Variants in LRRC40 observed in about 807,000 individuals in gnomAD.
LRRC40 encodes leucine-rich repeat-containing protein 40.
LRRC40 carries 76 observed loss-of-function variants against 72.8 expected under a neutral mutation model. That is an observed-to-expected ratio of 1.04 (90% confidence interval 0.87 to 1.26). The LOEUF is 1.26. Ranked by LOEUF, LRRC40 falls within the 50% of genes most tolerant of loss-of-function variation. The pLI, the probability that LRRC40 is intolerant of heterozygous loss-of-function variation, is 0.00. For missense variants in LRRC40, 684 were observed against 698.9 expected (o/e 0.98, Z 0.24); for synonymous variants, 243 against 254.2 (o/e 0.96, Z 0.42).
At chr1:70,163,963 A>G (rs1667822021) in intron 9 of LRRC40, among the ~76,000 whole-genome samples, 1 of 152,210 alleles carries the variant, frequency 6.6e-6, no homozygotes, top group Admixed American at 6.5e-5. Context: ...ACAATTGTGA[A>G]GGCTGAGAAG....
intron 1 of LRRC40, among the ~76,000 whole-genome samples, chr1:70,200,435 C>T (rs762482658): frequency 2.6e-5 from 4 of 151,602 alleles, no homozygotes; most frequent in South Asian, 2.1e-4. Context: ...TACTCTAGCC[C>T]GGTCAACAGA....
chr1:70,167,728 T>G (rs1029807503), intron 9 of LRRC40, among the ~76,000 whole-genome samples: 1 of 150,662 alleles, frequency 6.6e-6, no homozygotes, highest in East Asian at 2.0e-4. Flanking sequence ...GATTCTCCTG[T>G]CTCAGCCTCC....
rs540559997 is a variant in LRRC40 at position 70,178,910 on chromosome 1, A to G, written c.745T>C (p.Tyr249His). 6.2e-7 allele frequency: 1 copy of G among 1,600,912 alleles called. No homozygotes were observed. Among genetic ancestry groups the G allele is most frequent in the Admixed American group, 1.7e-5 (1 of 59,642 alleles). Reference protein sequence around the residue: ...LAGMESLELLYLRRNKLRFLP... With the variant: ...LAGMESLELLHLRRNKLRFLP... ...AAACGTAATTTATTCCTCCGCAAATAAAGCAATTCTAGTGATTCCATGCCA... is the reference window on the plus strand; with the variant it reads ...AAACGTAATTTATTCCTCCGCAAATGAAGCAATTCTAGTGATTCCATGCCA... The change falls in exon 6 of 15, where the codon TAT becomes CAT. Residue 249 changes from tyrosine to histidine, a missense_variant. Tyr to His is a moderately conservative substitution (Grantham distance 83). Coordinates refer to ENST00000370952, the MANE Select transcript of LRRC40 (RefSeq NM_017768.5).
chr1:70,202,647 T>C (rs1668773636), intron 1 of LRRC40, among the ~76,000 whole-genome samples: 1 of 152,192 alleles, frequency 6.6e-6, no homozygotes, highest in Non-Finnish European at 1.5e-5. Context: ...CATAGACCTG[T>C]ACAACAGTAA....
At chr1:70,152,980 AAAAC>A (rs1365428729) in intron 11 of LRRC40, among the ~76,000 whole-genome samples, 13 of 152,222 alleles carry the variant, frequency 8.5e-5, no homozygotes, top group Non-Finnish European at 1.8e-4. Flanking sequence ...GCTTTAGTTT[AAAAC>A]TTAAAGAGGA....
At chr1:70,178,005 C>G (rs1668147031) in intron 6 of LRRC40, among the ~76,000 whole-genome samples, 1 of 152,208 alleles carries the variant, frequency 6.6e-6, no homozygotes, top group Non-Finnish European at 1.5e-5. Flanking sequence ...ATTCTTTTCT[C>G]TAGCTTACTT....
At position 70,181,861 on chromosome 1, in the gene LRRC40, G is replaced by A. The variant is rs1175785953; in HGVS notation, c.538-652C>T. Among the ~76,000 whole-genome samples, 5 of 152,024 alleles carry A rather than the reference G, an allele frequency of 3.3e-5. No individual in the cohort carries two copies. In the East Asian group the frequency reaches 9.7e-4, roughly 29 times the overall value. Reference sequence around the variant, plus strand: ...TTGCTTTTTCTTTAAATAGTTTTAAGAGAACTTTTTTTTGAAACTCCCTTT... The same window carrying A: ...TTGCTTTTTCTTTAAATAGTTTTAAAAGAACTTTTTTTTGAAACTCCCTTT... On this transcript the variant is annotated intron_variant, in intron 4 of 14. Transcript: ENST00000370952.
chr1:70,190,268 G>T (rs1668464155), intron 1 of LRRC40, among the ~76,000 whole-genome samples: 1 of 152,032 alleles, frequency 6.6e-6, no homozygotes, highest in Non-Finnish European at 1.5e-5. Context: ...TAAATGAAAA[G>T]GTATAGTCAA....
rs1013127257 is a variant in LRRC40 at position 70,145,451 on chromosome 1, C to A, written c.*349G>T. ...AATGCTTTGTTATTATAATACTGAA[C>A]CACATTAAATAAAAATTCATTTTTG... On this transcript the variant is annotated 3_prime_UTR_variant, in exon 15 of 15. Transcript: ENST00000370952. 1.3e-5 allele frequency: 2 copies of A among 157,088 alleles called. No homozygotes were observed. Among genetic ancestry groups the A allele is most frequent in the Admixed American group, 6.5e-5 (1 of 15,468 alleles). The allele number at this position is 157,088 out of a possible 1,614,324, so 9.7% of individuals were successfully genotyped here. A position where few individuals can be genotyped will look rare whatever the true frequency, so the allele number is the denominator to read the frequency against.
chr1:70,151,115 T>A lies in LRRC40; in HGVS notation c.1517+13A>T. The A allele has an allele frequency of 7.1e-7, 1 of 1,415,228 alleles. No homozygotes were observed. The highest frequency in any genetic ancestry group is 9.9e-7 in the Non-Finnish European group (1 of 1,005,268). 87.7% of individuals were successfully genotyped at this position (1,415,228 alleles called of 1,614,324 possible). Reference sequence around the variant, plus strand: ...TTCCACAGAATAACAATTAGAATTGTCTGTTCTCTTACCTATTAAAGGAAA... The same window carrying A: ...TTCCACAGAATAACAATTAGAATTGACTGTTCTCTTACCTATTAAAGGAAA... On this transcript the variant is annotated intron_variant, in intron 13 of 14. Transcript: ENST00000370952.
chr1:70,156,859 A>C (rs1311271729), intron 10 of LRRC40, among the ~76,000 whole-genome samples: 1 of 152,192 alleles, frequency 6.6e-6, no homozygotes, highest in African/African-American at 2.4e-5. Context: ...AATTGTTTAC[A>C]TCTGGAATTT....
chr1:70,195,508 C>T (rs534480160), intron 1 of LRRC40, among the ~76,000 whole-genome samples: 1 of 152,172 alleles, frequency 6.6e-6, no homozygotes, highest in East Asian at 1.9e-4. Flanking sequence ...TATGCCAACA[C>T]AGCCACAAGA....
At chr1:70,168,359 C>T (rs1235654292) in intron 9 of LRRC40, among the ~76,000 whole-genome samples, 1 of 152,172 alleles carries the variant, frequency 6.6e-6, no homozygotes, top group African/African-American at 2.4e-5. Context: ...AAAGGAGAGG[C>T]AAACCAAGAG....
rs369977013 is a variant in LRRC40, at chr1:70,189,172, T to C, written c.253A>G (p.Thr85Ala). The change falls in exon 2 of 15, where the codon ACC becomes GCC. Residue 85 changes from threonine (T) to alanine (A), a missense_variant. Thr to Ala is a moderately conservative substitution (Grantham distance 58, BLOSUM62 0). Transcript: ENST00000370952. ...TERWWEQTDL[T>A]KLIISNNKLQ... is the part of the protein sequence containing the mutation. ...TTATTGTTTGATATTATTAGTTTGGTCAAATCTGTCTGCTCCCACCATCTT... is the reference window on the plus strand; with the variant it reads ...TTATTGTTTGATATTATTAGTTTGGCCAAATCTGTCTGCTCCCACCATCTT... 8 of 1,613,742 alleles carry C rather than the reference T, an allele frequency of 5.0e-6. No homozygotes were observed. In the African/African-American group the frequency reaches 9.3e-5, roughly 19 times the overall value.
intron 1 of LRRC40, among the ~76,000 whole-genome samples, chr1:70,194,537 T>C (rs1314897121): frequency 6.6e-6 from 1 of 151,760 alleles, no homozygotes; most frequent in Non-Finnish European, 1.5e-5. Flanking sequence ...ACAATCCTAA[T>C]AAAAATCCCA....
At chr1:70,180,910 T>C (rs1668229641) in intron 5 of LRRC40, among the ~76,000 whole-genome samples, 176 bp downstream of exon 5, 1 of 152,190 alleles carries the variant, frequency 6.6e-6, no homozygotes, top group Admixed American at 6.5e-5. Context: ...GGTATTTCTT[T>C]AGACAGTTGA....
At chr1:70,180,040 G>C (rs2100304160) in intron 5 of LRRC40, 1 of 151,586 alleles carries the variant, frequency 6.6e-6, no homozygotes, top group South Asian at 2.1e-4. Context: ...AATTGAAGAA[G>C]GCTTACAAAT....
intron 11 of LRRC40, 119 bp from the exon 12 acceptor site, chr1:70,152,662 T>C (rs1667532415): frequency 4.6e-6 from 3 of 649,490 alleles, no homozygotes; most frequent in South Asian, 3.7e-5. Flanking sequence ...TGACTTTTTG[T>C]ACCTTTTACT....
At chr1:70,154,965 C>A (rs917726799) in intron 11 of LRRC40, among the ~76,000 whole-genome samples, 19 of 152,088 alleles carry the variant, frequency 1.2e-4, no homozygotes, top group African/African-American at 4.1e-4. Context: ...CTATATTGCT[C>A]AAGTTCCTTA....
Sources: gnomAD v4.1 joint callset for allele counts (sites outside exome capture counted in the v4.1 genomes callset) on GRCh38, gnomAD v4.1.1 for gene constraint, MANE v1.5 for transcripts, NCBI Gene and HGNC (gene_info 2026-07-23, HGNC 2026-07-21) for gene names.